BCKDHB: variants seen among roughly 807,000 people sequenced by gnomAD.
The protein encoded by BCKDHB is 2-oxoisovalerate dehydrogenase subunit beta, mitochondrial.
A neutral mutation model predicts 48.5 loss-of-function variants in BCKDHB; 41 were observed. That is an observed-to-expected ratio of 0.85 (90% confidence interval 0.66 to 1.10). BCKDHB has a LOEUF of 1.10. BCKDHB is among the 50% of genes least tolerant of loss of function. BCKDHB has a pLI of 0.00. For missense variants in BCKDHB, 496 were observed against 494.2 expected (o/e 1.00, Z -0.03); for synonymous variants, 201 against 174.8 (o/e 1.15, Z -1.18).
intron 9 of BCKDHB, among the ~76,000 whole-genome samples, chr6:80,339,766 G>A (rs1769797720): frequency 6.6e-6 from 1 of 152,026 alleles, no homozygotes; most frequent in South Asian, 2.1e-4. Context: ...AACTCATATG[G>A]CCCTCAAGGC....
intron 3 of BCKDHB, among the ~76,000 whole-genome samples, chr6:80,136,452 A>G (rs1231361318): frequency 6.6e-6 from 1 of 152,184 alleles, no homozygotes; most frequent in East Asian, 1.9e-4. Flanking sequence ...CACCATATAC[A>G]AAAATGAACT....
chr6:80,227,059 A>T (rs1048840608), intron 8 of BCKDHB, among the ~76,000 whole-genome samples: 2 of 152,210 alleles, frequency 1.3e-5, no homozygotes, highest in African/African-American at 4.8e-5. Flanking sequence ...GAGTTTCTTG[A>T]GTAAGTTAAC....
At chr6:80,342,556 G>GAAAAAAAAAA (rs34127398) in intron 9 of BCKDHB, among the ~76,000 whole-genome samples, 1 of 24,098 alleles carries the variant, frequency 4.1e-5, no homozygotes, top group Non-Finnish European at 7.4e-5. Context: ...CCTCATTTCT[G>GAAAAAAAAAA]AAAAAAAAAA....
At chr6:80,358,498 A>G in the BCKDHB span, among the ~76,000 whole-genome samples, 1 of 152,190 alleles carries the variant, frequency 6.6e-6, no homozygotes, top group Non-Finnish European at 1.5e-5. Context: ...TCAAAAGCCG[A>G]TCTGGATTGT....
At chr6:80,308,803 C>T (rs1001352943) in intron 9 of BCKDHB, among the ~76,000 whole-genome samples, 2 of 151,732 alleles carry the variant, frequency 1.3e-5, no homozygotes, top group African/African-American at 2.4e-5. Flanking sequence ...CACCGTGTCT[C>T]GATCTCCTGA....
At chr6:80,143,591 G>C (rs1771326682) in intron 3 of BCKDHB, among the ~76,000 whole-genome samples, 1 of 152,166 alleles carries the variant, frequency 6.6e-6, no homozygotes, top group South Asian at 2.1e-4. Context: ...AGATTTCTCA[G>C]TTGCTTTGAT....
chr6:80,113,703 G>A (rs985425811), intron 1 of BCKDHB, among the ~76,000 whole-genome samples: 1 of 152,116 alleles, frequency 6.6e-6, no homozygotes, highest in African/African-American at 2.4e-5. Flanking sequence ...TGGACAAAAG[G>A]CACAAAGAAA....
chr6:80,391,610 G>A, the BCKDHB span, among the ~76,000 whole-genome samples: 1 of 152,080 alleles, frequency 6.6e-6, no homozygotes, highest in Non-Finnish European at 1.5e-5. Context: ...TTGGACTTAT[G>A]GTCCCTTTAA....
chr6:80,352,492 T>G, the BCKDHB span, among the ~76,000 whole-genome samples: 11 of 152,156 alleles, frequency 7.2e-5, no homozygotes, highest in African/African-American at 2.7e-4. Context: ...CTTTCTCTCA[T>G]TCTGTAAGGA....
At chr6:80,459,164 A>T in the BCKDHB span, among the ~76,000 whole-genome samples, 1 of 152,320 alleles carries the variant, frequency 6.6e-6, no homozygotes, top group East Asian at 1.9e-4. Flanking sequence ...AGTATTTCAA[A>T]GAGATATTAG....
intron 3 of BCKDHB, among the ~76,000 whole-genome samples, chr6:80,134,285 T>G (rs1053679875): frequency 6.6e-6 from 1 of 152,216 alleles, no homozygotes; most frequent in Non-Finnish European, 1.5e-5. Flanking sequence ...CTGTATCCAT[T>G]CCTTTACACC....
chr6:80,372,306 A>T, the BCKDHB span, among the ~76,000 whole-genome samples: 1 of 152,104 alleles, frequency 6.6e-6, no homozygotes, highest in East Asian at 1.9e-4. Flanking sequence ...ATTTGTGTAC[A>T]TTAATTTTGT....
chr6:80,410,821 T>C, the BCKDHB span, among the ~76,000 whole-genome samples: 1 of 152,170 alleles, frequency 6.6e-6, no homozygotes, highest in South Asian at 2.1e-4. Flanking sequence ...CTCTACACTG[T>C]TTATTCTAGT....
At chr6:80,192,565 G>A (rs1773946918) in intron 6 of BCKDHB, among the ~76,000 whole-genome samples, 1 of 152,112 alleles carries the variant, frequency 6.6e-6, no homozygotes, top group South Asian at 2.1e-4. Flanking sequence ...ATACCAGAGA[G>A]TACAGTATAC....
At chr6:80,303,167 A>AT (rs1416609901) in intron 9 of BCKDHB, among the ~76,000 whole-genome samples, 11 of 152,034 alleles carry the variant, frequency 7.2e-5, no homozygotes, top group Non-Finnish European at 1.3e-4. Context: ...GTAATCTTTT[A>AT]TTTTTTAATT....
At chr6:80,223,982 C>G (rs1775571280) in intron 8 of BCKDHB, among the ~76,000 whole-genome samples, 1 of 152,064 alleles carries the variant, frequency 6.6e-6, no homozygotes, top group African/African-American at 2.4e-5. Flanking sequence ...TTTAATTAGT[C>G]CCTCTAGGGA....
intron 1 of BCKDHB, among the ~76,000 whole-genome samples, chr6:80,120,647 G>T (rs1008618973): frequency 2.0e-5 from 3 of 152,170 alleles, no homozygotes; most frequent in African/African-American, 7.2e-5. Context: ...TCTGTTGGCT[G>T]CATAGATGTC....
At chr6:80,180,869 C>A (rs1254228539) in intron 6 of BCKDHB, among the ~76,000 whole-genome samples, 1 of 152,162 alleles carries the variant, frequency 6.6e-6, no homozygotes, top group Non-Finnish European at 1.5e-5. Flanking sequence ...GGTACACTCA[C>A]AAGAGTAAGT....
chr6:80,185,379 C>CT (rs1356165890), intron 6 of BCKDHB, among the ~76,000 whole-genome samples: 1 of 151,924 alleles, frequency 6.6e-6, no homozygotes, highest in Non-Finnish European at 1.5e-5. Context: ...CTGGTACCTC[C>CT]TTGAGTACCT....
Sources: gnomAD v4.1 joint callset for allele counts (sites outside exome capture counted in the v4.1 genomes callset) on GRCh38, gnomAD v4.1.1 for gene constraint, MANE v1.5 for transcripts, NCBI Gene and HGNC (gene_info 2026-07-23, HGNC 2026-07-21) for gene names.